NEK7: variants seen among roughly 807,000 people sequenced by gnomAD.
NEK7 encodes the protein serine/threonine-protein kinase Nek7.
NEK7 carries 18 observed loss-of-function variants against 44.6 expected under a neutral mutation model. That is an observed-to-expected ratio of 0.40 (90% CI 0.28 to 0.60). The LOEUF (loss-of-function observed/expected upper bound fraction) is 0.60. Ranked by LOEUF, NEK7 falls within the 20% of genes least tolerant of loss-of-function variation. NEK7 has a pLI of 0.38. For synonymous variants in NEK7, 130 were observed against 121.1 expected, an observed-to-expected ratio of 1.07 and a Z score of -0.48; for missense variants, 256 against 366.5, an observed-to-expected ratio of 0.70 and a Z score of 2.46.
chr1:198,300,711 G>GTAAT (rs1350343002), intron 9 of NEK7, among the ~76,000 whole-genome samples: 1 of 151,792 alleles, frequency 6.6e-6, no homozygotes, highest in Non-Finnish European at 1.5e-5. Flanking sequence ...AAAAGGCTTA[G>GTAAT]TAATTGATTG....
rs114450551 is a variant in NEK7, at chr1:198,305,427, A to G, written c.798+8187A>G. 5.2e-3 allele frequency among the ~76,000 whole-genome samples: 797 copies of G among 152,264 alleles called. 10 individuals carry two copies. Among genetic ancestry groups the G allele is most frequent in the African/African-American group, 0.018 (763 of 41,554 alleles). On this transcript the variant is annotated intron_variant, in intron 9 of 9. Coordinates refer to ENST00000367385, the MANE Select transcript of NEK7 (RefSeq NM_133494.3). ...CTTCCGGAGGTTAACAGAAACTTTT[A>G]AAAAATGTGAAATAAACAGGGAGAT...
chr1:198,259,625 G>A (rs1653386440), intron 3 of NEK7, among the ~76,000 whole-genome samples: 1 of 152,094 alleles, frequency 6.6e-6, no homozygotes, highest in Non-Finnish European at 1.5e-5. Context: ...AGTAGTCTGT[G>A]TGTGTGTGTT....
intron 5 of NEK7, among the ~76,000 whole-genome samples, chr1:198,275,643 A>G (rs917401972): frequency 4.0e-5 from 6 of 151,354 alleles, no homozygotes; most frequent in African/African-American, 1.5e-4. Flanking sequence ...TTAAGAGAAG[A>G]TTGTCCTTTC....
At chr1:198,312,591 C>T (rs976746981) in intron 9 of NEK7, among the ~76,000 whole-genome samples, 11 of 151,618 alleles carry the variant, frequency 7.3e-5, no homozygotes, top group Non-Finnish European at 1.2e-4. Flanking sequence ...TATAAATTGC[C>T]CTCTACACAC....
At chr1:198,249,000 A>G (rs1666911101) in intron 2 of NEK7, among the ~76,000 whole-genome samples, 1 of 149,878 alleles carries the variant, frequency 6.7e-6, no homozygotes, top group African/African-American at 2.4e-5. Flanking sequence ...TTAACACGTC[A>G]TTTAGCATTA....
At chr1:198,252,533 TA>T (rs1653057859) in intron 2 of NEK7, among the ~76,000 whole-genome samples, 2 of 53,586 alleles carry the variant, frequency 3.7e-5, no homozygotes, top group Admixed American at 4.9e-4. Context: ...ACATACTATA[TA>T]TATATATATA....
At chr1:198,268,119 A>G (rs923088691) in intron 5 of NEK7, among the ~76,000 whole-genome samples, 1 of 149,520 alleles carries the variant, frequency 6.7e-6, no homozygotes, top group Non-Finnish European at 1.5e-5. Flanking sequence ...GCCTTTAATG[A>G]TGGAATTTTA....
At position 198,205,160 on chromosome 1, in the gene NEK7, T is replaced by G. The variant is rs549866349; in HGVS notation, c.-28-27393T>G. Among the ~76,000 whole-genome samples, 5 of 152,322 alleles carry G rather than the reference T, an allele frequency of 3.3e-5. No homozygotes were observed. The South Asian group carries it at 1.0e-3, about 32-fold the overall frequency. ...CAGAAAGGCACTGAGCATGAGCTGC[T>G]TCTTTCATGTTCTTTGCCTGAGTCT... is the stretch of plus-strand genomic sequence containing the variant. On this transcript the variant is annotated intron_variant, in intron 1 of 9. Coordinates refer to ENST00000367385, the MANE Select transcript of NEK7 (RefSeq NM_133494.3).
At chr1:198,290,757 C>T (rs953668838) in intron 7 of NEK7, among the ~76,000 whole-genome samples, 3 of 151,850 alleles carry the variant, frequency 2.0e-5, no homozygotes, top group Non-Finnish European at 2.9e-5. Flanking sequence ...TATATACTAA[C>T]GAATATATGT....
chr1:198,274,172 T>TTTTTTTTTTTTTTTTTTTTGAGACG, intron 5 of NEK7, among the ~76,000 whole-genome samples: 1 of 143,912 alleles, frequency 6.9e-6, no homozygotes, highest in South Asian at 2.2e-4. Context: ...AGTTCTCTTA[T>TTTTTTTTTTTTTTTTTTTTGAGACG]GACTTCATTA....
intron 9 of NEK7, among the ~76,000 whole-genome samples, chr1:198,305,248 T>A (rs1188910821): frequency 6.6e-6 from 1 of 152,180 alleles, no homozygotes; most frequent in African/African-American, 2.4e-5. Context: ...TGATTAATAC[T>A]ATTAGAAATT....
At chr1:198,187,823 A>G (rs1664964823) in intron 1 of NEK7, among the ~76,000 whole-genome samples, 1 of 152,174 alleles carries the variant, frequency 6.6e-6, no homozygotes, top group Non-Finnish European at 1.5e-5. Flanking sequence ...TGGTCCCTTT[A>G]TCTTTAAAGG....
chr1:198,308,199 G>C (rs1655070738), intron 9 of NEK7, among the ~76,000 whole-genome samples: 1 of 152,148 alleles, frequency 6.6e-6, no homozygotes, highest in African/African-American at 2.4e-5. Context: ...CATGAGTATT[G>C]AAGAGAAGCA....
intron 1 of NEK7, among the ~76,000 whole-genome samples, chr1:198,231,922 C>T (rs1666408462): frequency 6.6e-6 from 1 of 152,004 alleles, no homozygotes; most frequent in South Asian, 2.1e-4. Context: ...AGAATCAGTG[C>T]AAATGTAGTT....
chr1:198,221,655 T>C (rs370048324), intron 1 of NEK7, among the ~76,000 whole-genome samples: 1 of 151,888 alleles, frequency 6.6e-6, no homozygotes, highest in South Asian at 2.1e-4. Flanking sequence ...TTTTCAAAGA[T>C]TAAATGCACT....
chr1:198,252,567 T>TATATAA (rs1307124157), intron 2 of NEK7, among the ~76,000 whole-genome samples: 11 of 50,976 alleles, frequency 2.2e-4, no homozygotes, highest in Non-Finnish European at 3.1e-4. Context: ...TATATATATA[T>TATATAA]AAAAAGTACA....
At chr1:198,195,549 G>A (rs963788136) in intron 1 of NEK7, among the ~76,000 whole-genome samples, 1 of 152,170 alleles carries the variant, frequency 6.6e-6, no homozygotes, top group African/African-American at 2.4e-5. Context: ...GGCCAGGCGT[G>A]GTGGCTCATG....
chr1:198,183,868 A>C (rs115988772), intron 1 of NEK7, among the ~76,000 whole-genome samples: 4,467 of 152,326 alleles, frequency 0.029, 119 homozygotes, highest in African/African-American at 0.063. Flanking sequence ...CATAATTCTG[A>C]AGTGGTTCAA....
At chr1:198,275,203 T>TA (rs545123675) in intron 5 of NEK7, among the ~76,000 whole-genome samples, 150 of 142,690 alleles carry the variant, frequency 1.1e-3, no homozygotes, top group African/African-American at 2.4e-3. Flanking sequence ...CTAGCCTACT[T>TA]AAAAAAAAAA....
Sources: gnomAD v4.1 joint callset for allele counts (sites outside exome capture counted in the v4.1 genomes callset) on GRCh38, gnomAD v4.1.1 for gene constraint, MANE v1.5 for transcripts, NCBI Gene and HGNC (gene_info 2026-07-23, HGNC 2026-07-21) for gene names.